The following NUMB variants were observed in gnomAD, a reference collection of about 807,000 sequenced individuals.
NUMB encodes NUMB endocytic adaptor protein.
A neutral mutation model predicts 59.7 loss-of-function variants in NUMB; 29 were observed. The observed-to-expected ratio is 0.49, with a 90% CI of 0.36 to 0.66. The LOEUF (loss-of-function observed/expected upper bound fraction) is 0.66. Among genes scored for constraint, NUMB ranks in the 30% least tolerant of loss-of-function variants. The pLI is 0.00. For synonymous variants in NUMB, 288 were observed against 288.2 expected (o/e 1.00, Z 0.01); for missense variants, 723 against 822.0 (o/e 0.88, Z 1.47).
chr14:73,290,914 T>C (rs983728231), intron 8 of NUMB, among the ~76,000 whole-genome samples: 84 of 152,232 alleles, frequency 5.5e-4, no homozygotes, highest in Non-Finnish European at 2.8e-4. Flanking sequence ...GCTCAACTTA[T>C]AGTAAAATCA....
At chr14:73,332,415 A>G (rs1892033686) in intron 4 of NUMB, among the ~76,000 whole-genome samples, 1 of 151,762 alleles carries the variant, frequency 6.6e-6, no homozygotes, top group Non-Finnish European at 1.5e-5. Context: ...CACCACACCC[A>G]GCTAATTTTT....
intron 2 of NUMB, among the ~76,000 whole-genome samples, chr14:73,386,731 C>T (rs993101932): frequency 3.3e-5 from 5 of 152,064 alleles, no homozygotes; most frequent in Admixed American, 2.6e-4. Context: ...GTCTAAAGAT[C>T]TTAAAAACCC....
intron 4 of NUMB, among the ~76,000 whole-genome samples, chr14:73,352,626 C>G (rs1191094846): frequency 6.9e-6 from 1 of 144,360 alleles, no homozygotes; most frequent in Non-Finnish European, 1.5e-5. Context: ...GCTTCGCCTC[C>G]CTGGTTCACG....
At chr14:73,309,908 T>C (rs1342271231) in intron 6 of NUMB, among the ~76,000 whole-genome samples, 2 of 151,950 alleles carry the variant, frequency 1.3e-5, no homozygotes, top group Non-Finnish European at 2.9e-5. Flanking sequence ...AGGAATTAGG[T>C]TAAAACAACA....
rs139104423 is a variant in NUMB at position 73,386,026 on chromosome 14, T to C, written c.-100-19045A>G. The stretch of plus-strand genomic sequence containing the variant: ...TTAACTAGCGGGCTTTTCTAGAATA[T>C]TACCATGAAAGTCCTAGGAACCTCC... On this transcript the variant is annotated intron_variant, in intron 2 of 12. Coordinates refer to ENST00000555238, the MANE Select transcript of NUMB (RefSeq NM_001005743.2). 2.6e-5 allele frequency among the ~76,000 whole-genome samples: 4 copies of C among 152,184 alleles called. No individual in the cohort carries two copies. In the South Asian group the frequency reaches 8.3e-4, roughly 31 times the overall value.
chr14:73,303,840 G>A (rs1669942858), intron 6 of NUMB, among the ~76,000 whole-genome samples: 1 of 151,986 alleles, frequency 6.6e-6, no homozygotes, highest in Non-Finnish European at 1.5e-5. Context: ...TAGTAACTTG[G>A]AATTTAAATT....
chr14:73,277,405 G>A, intron 12 of NUMB, 112 bp from the exon 13 acceptor site: 2 of 870,484 alleles, frequency 2.3e-6, no homozygotes, highest in East Asian at 5.4e-5. Flanking sequence ...CCCCCTAATG[G>A]GACATTTTGT....
intron 4 of NUMB, among the ~76,000 whole-genome samples, chr14:73,342,381 T>A (rs1306914208): frequency 2.0e-5 from 3 of 152,246 alleles, no homozygotes; most frequent in African/African-American, 4.8e-5. Context: ...CACAGAGTTA[T>A]CTTCCAAAAA....
intron 1 of NUMB, among the ~76,000 whole-genome samples, chr14:73,434,479 T>G (rs1456241453): frequency 2.0e-5 from 3 of 152,198 alleles, no homozygotes. Flanking sequence ...CTATCAGTTC[T>G]CACAAGTGGC....
rs367809719 is a variant in NUMB, at chr14:73,354,489, C to T, written c.126+1137G>A. Among the ~76,000 whole-genome samples the T allele has an allele frequency of 1.0e-3, 142 of 136,836 alleles. 1 individual carries two copies. The highest frequency in any genetic ancestry group is 3.3e-3 in the East Asian group (16 of 4,792). The allele number at this position is 136,836 out of a possible 152,430, so 89.8% of individuals were successfully genotyped here. A position where few individuals can be genotyped will look rare whatever the true frequency, so the allele number is the denominator to read the frequency against. Reference sequence around the variant, plus strand: ...TGGTGCCACTGCACTCCAGCCTGGGCGACACAGCAAGACTCCATCTCAAAA... The same window carrying T: ...TGGTGCCACTGCACTCCAGCCTGGGTGACACAGCAAGACTCCATCTCAAAA... On this transcript the variant is annotated intron_variant, in intron 4 of 12. Transcript: ENST00000555238.
At chr14:73,348,386 G>A (rs888093355) in intron 4 of NUMB, among the ~76,000 whole-genome samples, 1 of 152,192 alleles carries the variant, frequency 6.6e-6, no homozygotes, top group African/African-American at 2.4e-5. Flanking sequence ...TCCCTGCACA[G>A]TCTCTAAAGC....
chr14:73,438,010 A>G (rs774100358), intron 1 of NUMB, among the ~76,000 whole-genome samples: 22 of 152,218 alleles, frequency 1.4e-4, no homozygotes, highest in Non-Finnish European at 3.1e-4. Flanking sequence ...AAATTTGCAA[A>G]TATTTTAAAA....
intron 1 of NUMB, among the ~76,000 whole-genome samples, chr14:73,452,360 CAAAAA>C (rs763906255): frequency 6.6e-6 from 1 of 151,892 alleles, no homozygotes; most frequent in Non-Finnish European, 1.5e-5. Context: ...AACTCTGTCT[CAAAAA>C]CAAAACAAAA....
In NUMB at chr14:73,341,378, AG is replaced by A. The variant is rs59927570; in HGVS notation, c.126+14247del. The stretch of plus-strand genomic sequence containing the variant: ...AAAAATCTAGGTGGAAAAGGGTCAA[AG>A]GTAGAAGGATGTGTGGGTTAAGTCA... On this transcript the variant is annotated intron_variant, in intron 4 of 12. Transcript: ENST00000555238. 4.1e-3 allele frequency among the ~76,000 whole-genome samples: 624 copies of A among 152,322 alleles called. 4 individuals are homozygous for A. Among genetic ancestry groups the A allele is most frequent in the African/African-American group, 0.014 (597 of 41,578 alleles).
Position 73,340,978 on chromosome 14 carries a change from C to T in NUMB, c.126+14648G>A, listed in dbSNP as rs184758330. ...AAAGTGGCAGTCTTTTTCCTGTGCT[C>T]ACACTGAGCTGCTCTCTCCTGATGC... On this transcript the variant is annotated intron_variant, in intron 4 of 12. Coordinates refer to ENST00000555238, the MANE Select transcript of NUMB (RefSeq NM_001005743.2). 2.0e-5 allele frequency among the ~76,000 whole-genome samples: 3 copies of T among 152,300 alleles called. No individual in the cohort carries two copies. In the East Asian group the frequency reaches 5.8e-4, roughly 29 times the overall value.
At chr14:73,410,890 G>GT (rs1348653549) in intron 1 of NUMB, among the ~76,000 whole-genome samples, 1 of 152,170 alleles carries the variant, frequency 6.6e-6, no homozygotes, top group Non-Finnish European at 1.5e-5. Flanking sequence ...TACCCAAAAC[G>GT]TAAGATTAGT....
chr14:73,416,693 T>C (rs576827913), intron 1 of NUMB, among the ~76,000 whole-genome samples: 58 of 151,982 alleles, frequency 3.8e-4, no homozygotes, highest in Non-Finnish European at 5.1e-4. Context: ...ATACAAAAAT[T>C]AGCCAGGTGT....
chr14:73,309,980 T>C (rs1890684414), intron 6 of NUMB, among the ~76,000 whole-genome samples: 1 of 152,154 alleles, frequency 6.6e-6, no homozygotes, highest in African/African-American at 2.4e-5. Flanking sequence ...AATGGTGCCA[T>C]TTAGCAATTG....
intron 10 of NUMB, 54 bp downstream of exon 10, chr14:73,284,027 A>G: frequency 6.7e-7 from 1 of 1,503,050 alleles, no homozygotes; most frequent in Non-Finnish European, 9.2e-7. Context: ...ATGGGAAGTG[A>G]TGAGAATGCT....
Sources: allele counts gnomAD v4.1 joint callset (sites outside exome capture counted in the v4.1 genomes callset), GRCh38; gene constraint gnomAD v4.1.1; transcripts MANE v1.5; gene names NCBI Gene and HGNC (gene_info 2026-07-23, HGNC 2026-07-21).